The following PNN variants were observed in gnomAD, a reference collection of about 807,000 sequenced individuals.
PNN encodes the protein pinin, desmosome associated protein.
A neutral mutation model predicts 76.6 loss-of-function variants in PNN; 38 were observed. That is an observed-to-expected ratio of 0.50 (90% CI 0.38 to 0.65). The LOEUF is 0.65. Among genes scored for constraint, PNN ranks in the 30% least tolerant of loss-of-function variants. The pLI is 0.00. For missense variants in PNN, 873 were observed against 874.1 expected, an observed-to-expected ratio of 1.00 and a Z score of 0.02; for synonymous variants, 366 against 283.7, an observed-to-expected ratio of 1.29 and a Z score of -2.91.
chr14:39,179,082 A>C lies in PNN; in HGVS notation c.499-9A>C, dbSNP rs780720847. 1 of 1,608,080 alleles carries C rather than the reference A, an allele frequency of 6.2e-7. No individual in the cohort carries two copies. Among genetic ancestry groups the C allele is most frequent in the Non-Finnish European group, 8.5e-7 (1 of 1,178,508 alleles). On this transcript the variant is annotated splice_polypyrimidine_tract_variant and intron_variant, in intron 6 of 8. Transcript: ENST00000216832. ...ACGTAAGTATTAAAGCAGGCTACTT[A>C]ACTTTTAGCAAAAGCGGCGCCAGGA...
chr14:39,179,199 C>A lies in PNN; in HGVS notation c.607C>A (p.Gln203Lys). 6.2e-7 allele frequency: 1 copy of A among 1,613,754 alleles called. No individual in the cohort carries two copies. Among genetic ancestry groups the A allele is most frequent in the Non-Finnish European group, 8.5e-7 (1 of 1,179,924 alleles). Residue 203 changes from glutamine to lysine, a missense_variant, in exon 7 of 9, where the codon CAG becomes AAG. Coordinates refer to ENST00000216832, the MANE Select transcript of PNN (RefSeq NM_002687.4). ...ACTGTTTGAAGAGAGGCGTGCTAAA[C>A]AGACAGAACTGCGGCTTTTGGAACA... ...RELFEERRAK[Q>K]TELRLLEQKV...
In PNN at chr14:39,180,424, A is replaced by G. The variant is rs190737503; in HGVS notation, c.794-79A>G. 4.4e-5 allele frequency: 62 copies of G among 1,410,702 alleles called. 1 individual carries two copies. In the African/African-American group the frequency reaches 7.4e-4, roughly 17 times the overall value. The allele number at this position is 1,410,702 out of a possible 1,614,324, so 87.4% of individuals were successfully genotyped here. On this transcript the variant is annotated intron_variant, in intron 8 of 8. Transcript: ENST00000216832. Reference sequence around the variant, plus strand: ...CAAATTCAGATGAAGCTTAATGACAATTTGTGACCAGTTATAAAATTATGG... The same window carrying G: ...CAAATTCAGATGAAGCTTAATGACAGTTTGTGACCAGTTATAAAATTATGG...
chr14:39,182,002 T>G lies in PNN; in HGVS notation c.*139T>G. The G allele has an allele frequency of 1.3e-6, 1 of 766,150 alleles. No individual in the cohort carries two copies. The highest frequency in any genetic ancestry group is 2.0e-6 in the Non-Finnish European group (1 of 505,686). 47.5% of individuals were successfully genotyped at this position (766,150 alleles called of 1,614,324 possible). On this transcript the variant is annotated 3_prime_UTR_variant, in exon 9 of 9. Coordinates refer to ENST00000216832, the MANE Select transcript of PNN (RefSeq NM_002687.4). Reference sequence around the variant, plus strand: ...ATCTTTTTGGAAAATACAGACTGTTTGTTTACCAGACATTCTTGTACTTTT... The same window carrying G: ...ATCTTTTTGGAAAATACAGACTGTTGGTTTACCAGACATTCTTGTACTTTT...
Position 39,179,250 on chromosome 14 carries a change from A to C in PNN, c.654+4A>C. On this transcript the variant is annotated splice_donor_region_variant and intron_variant, in intron 7 of 8. Transcript: ENST00000216832. ...GAAAGTTGAGCTTGCGCAGCTGGTG[A>C]GTGGTAATTTGGAATTCTAAGATTG... 1 of 1,611,042 alleles carries C rather than the reference A, an allele frequency of 6.2e-7. No individual in the cohort carries two copies. The highest frequency in any genetic ancestry group is 8.5e-7 in the Non-Finnish European group (1 of 1,179,148).
chr14:39,175,565 C>G (rs948545557), intron 1 of PNN, among the ~76,000 whole-genome samples, 173 bp downstream of exon 1: 32 of 152,196 alleles, frequency 2.1e-4, no homozygotes, highest in Admixed American at 1.2e-3. Context: ...CCCAGGTCCC[C>G]TCCGTAGAGC....
At chr14:39,175,688 G>T in intron 1 of PNN, 1 of 485,512 alleles carries the variant, frequency 2.1e-6, no homozygotes, top group Non-Finnish European at 3.6e-6. Context: ...TGCAGGCCCG[G>T]AACTGCAGCA....
Position 39,181,017 on chromosome 14 carries a change from T to G in PNN, c.1308T>G (p.Asp436Glu), listed in dbSNP as rs759124044. 3.2e-5 allele frequency: 51 copies of G among 1,612,458 alleles called. No homozygotes were observed. Among genetic ancestry groups the G allele is most frequent in the Non-Finnish European group, 4.2e-5 (49 of 1,178,924 alleles). ...EPEMEFEIEP[D>E]KECKTLSPGK... ...AAATGGAATTTGAAATTGAGCCAGA[T>G]AAAGAATGTAAAACCCTTTCTCCTG... Residue 436 changes from aspartate (D) to glutamate (E), a missense_variant, in exon 9 of 9, where the codon GAT becomes GAG. Coordinates refer to ENST00000216832, the MANE Select transcript of PNN (RefSeq NM_002687.4).
intron 1 of PNN, 67 bp from the exon 2 acceptor site, chr14:39,176,011 G>A (rs55981737): frequency 0.07 from 57,672 of 819,356 alleles, 2,320 homozygotes; most frequent in African/African-American, 0.11. Flanking sequence ...CCACATCTCT[G>A]AAAGTATTTG....
chr14:39,176,260 GT>G (rs2053223050), intron 2 of PNN, 111 bp downstream of exon 2: 1 of 707,090 alleles, frequency 1.4e-6, no homozygotes, highest in Non-Finnish European at 2.5e-6. Context: ...TGTCGTCTTT[GT>G]TTTGTTTAAT....
Position 39,182,519 on chromosome 14 carries a change from G to A in PNN, c.*656G>A, listed in dbSNP as rs1233649980. ...TTCTCATATTTTAACCATATGTTCG[G>A]TAGATAACTAAACAGTATGATCTGG... On this transcript the variant is annotated 3_prime_UTR_variant, in exon 9 of 9. Coordinates refer to ENST00000216832, the MANE Select transcript of PNN (RefSeq NM_002687.4). The A allele has an allele frequency of 1.3e-5, 2 of 152,688 alleles. No individual in the cohort carries two copies. The highest frequency in any genetic ancestry group is 3.4e-3 in the Middle Eastern group (1 of 294). The allele number at this position is 152,688 out of a possible 1,614,324, so 9.5% of individuals were successfully genotyped here. A position where few individuals can be genotyped will look rare whatever the true frequency, so the allele number is the denominator to read the frequency against.
Position 39,181,543 on chromosome 14 carries a change from A to C in PNN, c.1834A>C (p.Ser612Arg). 6.2e-7 allele frequency: 1 copy of C among 1,607,888 alleles called. No homozygotes were observed. Among genetic ancestry groups the C allele is most frequent in the South Asian group, 1.1e-5 (1 of 90,654 alleles). ...TCGCAGTAGTTCCAGTAGCAGCTCC[A>C]GTACAAGTGGCAGCAGCAGCAGAGA... ...SSRSSSSSSS[S>R]TSGSSSRDSS... The change falls in exon 9 of 9, where the codon AGT (serine) becomes CGT (arginine). Residue 612 changes from serine to arginine, a missense_variant. Coordinates refer to ENST00000216832, the MANE Select transcript of PNN (RefSeq NM_002687.4).
Position 39,181,906 on chromosome 14 carries a change from A to T in PNN, c.*43A>T. 6.6e-7 allele frequency: 1 copy of T among 1,513,230 alleles called. No individual in the cohort carries two copies. The highest frequency in any genetic ancestry group is 8.8e-7 in the Non-Finnish European group (1 of 1,138,948). The allele number at this position is 1,513,230 out of a possible 1,614,324, so 93.7% of individuals were successfully genotyped here. ...TCTTAGCCATTCTTTGCAGCAGAAG[A>T]TTTCTTGATAAAAAAGGATTACCTT... On this transcript the variant is annotated 3_prime_UTR_variant, in exon 9 of 9. Transcript: ENST00000216832.
At chr14:39,178,010 A>C (rs893382270) in intron 6 of PNN, 94 bp downstream of exon 6, 3 of 834,986 alleles carry the variant, frequency 3.6e-6, no homozygotes, top group Non-Finnish European at 6.0e-6. Flanking sequence ...CTCTTTTAAG[A>C]CCTAACTGTA....
At position 39,182,523 on chromosome 14, in the gene PNN, A is replaced by G. The variant is rs1373347444; in HGVS notation, c.*660A>G. On this transcript the variant is annotated 3_prime_UTR_variant, in exon 9 of 9. Coordinates refer to ENST00000216832, the MANE Select transcript of PNN (RefSeq NM_002687.4). The stretch of plus-strand genomic sequence containing the variant: ...CATATTTTAACCATATGTTCGGTAG[A>G]TAACTAAACAGTATGATCTGGTTGG... 1 of 152,666 alleles carries G rather than the reference A, an allele frequency of 6.6e-6. No homozygotes were observed. The highest frequency in any genetic ancestry group is 1.5e-5 in the Non-Finnish European group (1 of 68,058). The allele number at this position is 152,666 out of a possible 1,614,324, so 9.5% of individuals were successfully genotyped here.
chr14:39,179,454 A>T lies in PNN; in HGVS notation c.785A>T (p.Lys262Ile). 1 of 1,611,930 alleles carries T rather than the reference A, an allele frequency of 6.2e-7. No homozygotes were observed. Among genetic ancestry groups the T allele is most frequent in the Non-Finnish European group, 8.5e-7 (1 of 1,179,262 alleles). ...AAACTAATAGAAGAGTCACAGAGAA[A>T]AATGAACGGTAAGTATGCGAAGAGG... ...TQKLIEESQRKMNALFEGRRI... is the reference protein window; with the variant it reads ...TQKLIEESQRIMNALFEGRRI... The change falls in exon 8 of 9, where the codon AAA becomes ATA. Residue 262 changes from lysine (K) to isoleucine (I), a missense_variant. By Grantham distance (102) the Lys-to-Ile change is moderately radical. Around this residue, in one of 3 missense-constraint regions of PNN, gnomAD observed 712 missense variants for 693.1 expected, o/e 1.03. Transcript: ENST00000216832.
Position 39,181,341 on chromosome 14 carries a change from A to C in PNN, c.1632A>C (p.Pro544=). ...AACTCACTGAGGTACCAGTAGAGCCAGTCTTGACAGTACATCCAGAGAGCA... is the reference window on the plus strand; with the variant it reads ...AACTCACTGAGGTACCAGTAGAGCCCGTCTTGACAGTACATCCAGAGAGCA... ...SVKLTEVPVE[P]VLTVHPESKS... The change falls in exon 9 of 9, where the codon CCA becomes CCC. Residue 544 remains proline (P), a synonymous_variant. Transcript: ENST00000216832. The C allele has an allele frequency of 6.2e-7, 1 of 1,614,238 alleles. No homozygotes were observed. Among genetic ancestry groups the C allele is most frequent in the Non-Finnish European group, 8.5e-7 (1 of 1,180,018 alleles).
intron 6 of PNN, 130 bp downstream of exon 6, chr14:39,178,046 C>G: frequency 1.5e-6 from 1 of 675,486 alleles, no homozygotes; most frequent in East Asian, 2.6e-5. Flanking sequence ...CAAGTAAAAA[C>G]TTGGTTTAAC....
chr14:39,177,365 G>T, intron 3 of PNN, 47 bp from the exon 4 acceptor site: 1 of 1,496,262 alleles, frequency 6.7e-7, no homozygotes, highest in Non-Finnish European at 9.2e-7. Flanking sequence ...CAGCCTGGGT[G>T]GTATAGTGAA....
At position 39,176,528 on chromosome 14, in the gene PNN, C is replaced by T; in HGVS notation, c.187C>T (p.Arg63Cys). 2.5e-6 allele frequency: 4 copies of T among 1,601,156 alleles called. No homozygotes were observed. The highest frequency in any genetic ancestry group is 2.2e-5 in the East Asian group (1 of 44,730). The change falls in exon 3 of 9, where the codon CGT becomes TGT. Residue 63 changes from arginine (R) to cysteine (C), a missense_variant and splice_region_variant. By Grantham distance (180) the Arg-to-Cys change is radical. This residue lies in a region of PNN where 156 missense variants were observed against 161.7 expected (regional missense o/e 0.96). Coordinates refer to ENST00000216832, the MANE Select transcript of PNN (RefSeq NM_002687.4). Reference sequence around the variant, plus strand: ...TATGTTGAACATTTTAAATTTCAGGCGTGGATTCTCAGATAGTGGAGGAGG... The same window carrying T: ...TATGTTGAACATTTTAAATTTCAGGTGTGGATTCTCAGATAGTGGAGGAGG... ...GRGRGSLLLR[R>C]GFSDSGGGPP...
Sources: allele counts gnomAD v4.1 joint callset (sites outside exome capture counted in the v4.1 genomes callset), GRCh38; gene constraint gnomAD v4.1.1; regional missense constraint gnomAD v4.1.1; transcripts MANE v1.5; gene names NCBI Gene and HGNC (gene_info 2026-07-23, HGNC 2026-07-21).